The following NTNG2 variants were observed in gnomAD, a reference collection of about 807,000 sequenced individuals.
NTNG2 encodes netrin-G2.
NTNG2 carries 15 observed loss-of-function variants against 47.6 expected under a neutral mutation model. The observed-to-expected ratio is 0.32, with a 90% CI of 0.21 to 0.49. The LOEUF (loss-of-function observed/expected upper bound fraction) is 0.49, where lower values mean the gene tolerates loss of function less well. Ranked by LOEUF, NTNG2 falls within the 20% of genes least tolerant of loss-of-function variation. The pLI, the probability that NTNG2 is intolerant of heterozygous loss-of-function variation, is 0.99. For missense variants in NTNG2, 578 were observed against 764.6 expected (o/e 0.76, Z 2.88); for synonymous variants, 307 against 324.6 (o/e 0.95, Z 0.58).
rs145710375 is a variant in NTNG2, at chr9:132,240,223, A to G, written c.1223-687A>G. ...TCTGAATTCTGGCGGCAGCCTTCAGATAATTCCATCAACTCTAAGTGATCA... is the reference window on the plus strand; with the variant it reads ...TCTGAATTCTGGCGGCAGCCTTCAGGTAATTCCATCAACTCTAAGTGATCA... On this transcript the variant is annotated intron_variant, in intron 6 of 7. Transcript: ENST00000393229. 3.6e-3 allele frequency among the ~76,000 whole-genome samples: 549 copies of G among 152,348 alleles called. 4 individuals carry two copies. Among genetic ancestry groups the G allele is most frequent in the African/African-American group, 0.012 (518 of 41,582 alleles).
chr9:132,177,782 C>A (rs111812007), intron 2 of NTNG2, among the ~76,000 whole-genome samples: 1 of 152,270 alleles, frequency 6.6e-6, no homozygotes, highest in African/African-American at 2.4e-5. Context: ...CTCAGCCTCC[C>A]AAGCAGCTGG....
In NTNG2 at chr9:132,240,874, A is replaced by G. The variant is rs370622269; in HGVS notation, c.1223-36A>G. ...GTCCGAGAAGACGGCGCCCACACGT[A>G]GCCCTGACCGCGCGCCCGTGCCCGT... On this transcript the variant is annotated intron_variant, in intron 6 of 7. Coordinates refer to ENST00000393229, the MANE Select transcript of NTNG2 (RefSeq NM_032536.4). 8 of 1,612,200 alleles carry G rather than the reference A, an allele frequency of 5.0e-6. No individual in the cohort carries two copies. In the African/African-American group the frequency reaches 5.3e-5, roughly 11 times the overall value.
chr9:132,214,448 C>T lies in NTNG2; in HGVS notation c.858-12401C>T, dbSNP rs1031245003. 7.2e-5 allele frequency among the ~76,000 whole-genome samples: 11 copies of T among 152,360 alleles called. No homozygotes were observed. The East Asian group carries it at 1.4e-3, about 19-fold the overall frequency. ...GCCCCCAGCTGGGCCTGCCACGTTTCCCAGAGAACTGGTGTTATCTGGGCT... is the reference window on the plus strand; with the variant it reads ...GCCCCCAGCTGGGCCTGCCACGTTTTCCAGAGAACTGGTGTTATCTGGGCT... On this transcript the variant is annotated intron_variant, in intron 3 of 7. Coordinates refer to ENST00000393229, the MANE Select transcript of NTNG2 (RefSeq NM_032536.4).
chr9:132,189,647 A>AT (rs544933690), intron 2 of NTNG2, among the ~76,000 whole-genome samples: 134 of 150,030 alleles, frequency 8.9e-4, no homozygotes, highest in African/African-American at 3.0e-3. Context: ...CTTAAAAAAA[A>AT]TTTTTTTTTT....
intron 2 of NTNG2, among the ~76,000 whole-genome samples, chr9:132,188,369 C>T (rs998192591): frequency 1.3e-5 from 2 of 152,258 alleles, no homozygotes; most frequent in African/African-American, 4.8e-5. Flanking sequence ...TGCGGGAGCA[C>T]AGTGCGGCCC....
chr9:132,167,828 C>G lies in NTNG2; in HGVS notation c.213+784C>G, dbSNP rs181476703. On this transcript the variant is annotated intron_variant, in intron 2 of 7. Coordinates refer to ENST00000393229, the MANE Select transcript of NTNG2 (RefSeq NM_032536.4). ...GAGCTGTCTGAGTGTGTGGGCCGAG[C>G]CTGATGCCATTGCGAGGAGTCCTCC... 3.2e-4 allele frequency among the ~76,000 whole-genome samples: 49 copies of G among 152,264 alleles called. No individual in the cohort carries two copies. In the East Asian group the frequency reaches 8.9e-3, roughly 28 times the overall value.
chr9:132,223,632 G>A (rs947448721), intron 3 of NTNG2, among the ~76,000 whole-genome samples: 1 of 152,100 alleles, frequency 6.6e-6, no homozygotes, highest in Non-Finnish European at 1.5e-5. Context: ...ATTGTGCCAC[G>A]GCACTCCAGC....
chr9:132,229,672 G>A (rs914419), intron 4 of NTNG2, among the ~76,000 whole-genome samples: 118,781 of 152,164 alleles, frequency 0.78, 46,787 homozygotes, highest in South Asian at 0.91. Flanking sequence ...ACATGGAGGT[G>A]GAGGAAGGAG....
chr9:132,170,699 T>C (rs1277954524), intron 2 of NTNG2, among the ~76,000 whole-genome samples: 1 of 151,916 alleles, frequency 6.6e-6, no homozygotes, highest in African/African-American at 2.4e-5. Context: ...AGGGGTGAGC[T>C]GACGAGCAGG....
Position 132,226,726 on chromosome 9 carries a change from G to C in NTNG2, c.858-123G>C, listed in dbSNP as rs1840785349. The C allele has an allele frequency of 1.3e-6, 1 of 779,626 alleles. No individual in the cohort carries two copies. The highest frequency in any genetic ancestry group is 3.5e-5 in the Admixed American group (1 of 28,778). 48.3% of individuals were successfully genotyped at this position (779,626 alleles called of 1,614,324 possible). A position where few individuals can be genotyped will look rare whatever the true frequency, so the allele number is the denominator to read the frequency against. ...TAAAGGTTGGGCTGGTGGCCTCCAG[G>C]GTTTCTTCCTGGGCAGCCCAACACC... On this transcript the variant is annotated intron_variant, in intron 3 of 7. Coordinates refer to ENST00000393229, the MANE Select transcript of NTNG2 (RefSeq NM_032536.4). The surrounding 1 kb of genome is among the most constrained non-coding windows in gnomAD (Gnocchi z 4.8).
intron 2 of NTNG2, among the ~76,000 whole-genome samples, chr9:132,192,259 C>T (rs1837955235): frequency 6.6e-6 from 1 of 152,172 alleles, no homozygotes; most frequent in African/African-American, 2.4e-5. Flanking sequence ...GTAAACTGGT[C>T]TTCTAATACC....
At chr9:132,196,809 G>A (rs562586836) in intron 2 of NTNG2, among the ~76,000 whole-genome samples, 9 of 152,214 alleles carry the variant, frequency 5.9e-5, no homozygotes, top group South Asian at 2.1e-4. Context: ...GGGCTCAGTC[G>A]CACCACACTG....
chr9:132,189,145 C>T (rs1056268955), intron 2 of NTNG2, among the ~76,000 whole-genome samples: 9 of 131,194 alleles, frequency 6.9e-5, no homozygotes, highest in Middle Eastern at 4.4e-3. Flanking sequence ...GGCACAGTTA[C>T]GGCTCACTAC....
rs916736989 is a variant in NTNG2, at chr9:132,244,047, C to T, written c.*1936C>T. ...GGGGCTTCTTGTGGATAGGAGTGGCCAGGGGACACAGCTCTGGGCAGTGAG... is the reference window on the plus strand; with the variant it reads ...GGGGCTTCTTGTGGATAGGAGTGGCTAGGGGACACAGCTCTGGGCAGTGAG... On this transcript the variant is annotated 3_prime_UTR_variant, in exon 8 of 8. Transcript: ENST00000393229. 19 of 152,180 alleles carry T rather than the reference C, an allele frequency of 1.2e-4. No homozygotes were observed. Among genetic ancestry groups the T allele is most frequent in the African/African-American group, 4.3e-4 (18 of 41,418 alleles). 9.4% of individuals were successfully genotyped at this position (152,180 alleles called of 1,614,324 possible).
chr9:132,205,301 ACG>A (rs1422668190), intron 3 of NTNG2, among the ~76,000 whole-genome samples: 2 of 152,196 alleles, frequency 1.3e-5, no homozygotes, highest in Admixed American at 6.5e-5. Context: ...AACCTGACAC[ACG>A]CTGCGACACA....
At position 132,242,289 on chromosome 9, in the gene NTNG2, A is replaced by T. The variant is rs544921468; in HGVS notation, c.*178A>T. The stretch of plus-strand genomic sequence containing the variant: ...GCCCGCACTGCCCTCCCCCCGCAGC[A>T]GGGGCGCCTTGGGACTCCGGTCCCC... On this transcript the variant is annotated 3_prime_UTR_variant, in exon 8 of 8. Transcript: ENST00000393229. The surrounding 1 kb of genome is among the most constrained non-coding windows in gnomAD (Gnocchi z 5.9). 4.2e-5 allele frequency: 8 copies of T among 192,600 alleles called. No individual in the cohort carries two copies. The highest frequency in any genetic ancestry group is 1.8e-4 in the Admixed American group (3 of 16,382). 11.9% of individuals were successfully genotyped at this position (192,600 alleles called of 1,614,324 possible).
intron 6 of NTNG2, chr9:132,240,551 C>T (rs1841912574): frequency 2.6e-6 from 1 of 388,206 alleles, no homozygotes; most frequent in Non-Finnish European, 4.8e-6. Flanking sequence ...GCTCAGTGGC[C>T]TCTGCTGAGT....
At chr9:132,171,345 C>G (rs575685002) in intron 2 of NTNG2, among the ~76,000 whole-genome samples, 1 of 152,212 alleles carries the variant, frequency 6.6e-6, no homozygotes, top group Non-Finnish European at 1.5e-5. Flanking sequence ...GGAGAGGAAA[C>G]GCCTCTCACA....
At chr9:132,212,941 G>A (rs1839702964) in intron 3 of NTNG2, among the ~76,000 whole-genome samples, 1 of 151,968 alleles carries the variant, frequency 6.6e-6, no homozygotes, top group Non-Finnish European at 1.5e-5. Flanking sequence ...ACCCCCCAAA[G>A]AAGACCAAGA....
Sources: allele counts gnomAD v4.1 joint callset (sites outside exome capture counted in the v4.1 genomes callset), GRCh38; gene constraint gnomAD v4.1.1; non-coding constraint Gnocchi (gnomAD v3.1); transcripts MANE v1.5; gene names NCBI Gene and HGNC (gene_info 2026-07-23, HGNC 2026-07-21).